Variants in GRIA4 observed in about 807,000 individuals in gnomAD.
GRIA4 encodes glutamate receptor 4.
A neutral mutation model predicts 104.0 loss-of-function variants in GRIA4; 34 were observed. That is an observed-to-expected ratio of 0.33 (90% confidence interval 0.25 to 0.44). GRIA4 has a LOEUF of 0.44. Among genes scored for constraint, GRIA4 ranks in the 20% least tolerant of loss-of-function variants. GRIA4 has a pLI of 1.00. For synonymous variants in GRIA4, 386 were observed against 381.9 expected (o/e 1.01, Z -0.13); for missense variants, 750 against 1,096.5 (o/e 0.68, Z 4.46).
intron 3 of GRIA4, among the ~76,000 whole-genome samples, chr11:105,617,184 GGATA>G (rs1950621946): frequency 6.7e-6 from 1 of 148,956 alleles, no homozygotes; most frequent in Admixed American, 6.7e-5. Flanking sequence ...TTAAAATGAA[GGATA>G]AATAATAATA....
At chr11:105,910,314 T>TTTTGTTTTGTTTGCTTACA (rs1314548352) in intron 9 of GRIA4, 121 bp from the exon 10 acceptor site, 21 of 612,382 alleles carry the variant, frequency 3.4e-5, no homozygotes, top group Admixed American at 5.8e-5. Context: ...TTCTGTTGGC[T>TTTTGTTTTGTTTGCTTACA]TTTGTTTTGT....
intron 14 of GRIA4, among the ~76,000 whole-genome samples, chr11:105,952,177 T>G (rs1273184645): frequency 6.6e-6 from 1 of 152,150 alleles, no homozygotes; most frequent in Non-Finnish European, 1.5e-5. Context: ...ATTTTTAAAA[T>G]AAATGTTATT....
At chr11:105,897,360 G>C (rs1177406200) in intron 6 of GRIA4, among the ~76,000 whole-genome samples, 2 of 152,080 alleles carry the variant, frequency 1.3e-5, no homozygotes, top group South Asian at 2.1e-4. Context: ...TTAGTAAACA[G>C]AGATAATTTG....
intron 7 of GRIA4, among the ~76,000 whole-genome samples, chr11:105,901,658 C>A (rs1946859153): frequency 6.6e-6 from 1 of 152,082 alleles, no homozygotes. Flanking sequence ...CTGTCAAATC[C>A]CAGGTCTTTG....
chr11:105,783,615 T>C (rs754186629), intron 4 of GRIA4, among the ~76,000 whole-genome samples: 13 of 152,172 alleles, frequency 8.5e-5, no homozygotes, highest in Non-Finnish European at 2.9e-5. Context: ...CTTCCTAACA[T>C]AGTTGACATT....
intron 3 of GRIA4, among the ~76,000 whole-genome samples, chr11:105,691,843 G>A (rs189554123): frequency 2.0e-5 from 3 of 149,828 alleles, no homozygotes; most frequent in Non-Finnish European, 4.4e-5. Context: ...GCTGAGGCAG[G>A]AGAGTTTCTT....
At chr11:105,661,940 A>G (rs1346861344) in intron 3 of GRIA4, among the ~76,000 whole-genome samples, 3 of 151,660 alleles carry the variant, frequency 2.0e-5, no homozygotes, top group Non-Finnish European at 4.4e-5. Flanking sequence ...TTTTCCACAC[A>G]ACCACTAATG....
rs557343656 is a variant in GRIA4, at chr11:105,638,405, C to T, written c.247+25971C>T. On this transcript the variant is annotated intron_variant, in intron 3 of 16. Transcript: ENST00000282499. ...CCCTGAACCTGCTGACAACTGGATT[C>T]TCTAGATCATATTGTTTTATTCCGT... 3.2e-4 allele frequency among the ~76,000 whole-genome samples: 48 copies of T among 152,274 alleles called. 1 individual carries two copies. The highest frequency in any genetic ancestry group is 2.9e-3 in the Admixed American group (44 of 15,276).
chr11:105,888,271 CTT>C (rs71469040), intron 6 of GRIA4, among the ~76,000 whole-genome samples: 73 of 54,542 alleles, frequency 1.3e-3, no homozygotes, highest in African/African-American at 5.4e-3. Context: ...ATGTTTTCTC[CTT>C]TTTTTTTTTT....
In GRIA4 at chr11:105,972,036, G is replaced by A. The variant is rs757619475; in HGVS notation, c.2409+8G>A. Reference sequence around the variant, plus strand: ...AAGGACTCTGGAAGCAAGGTCAGTCGCTGCAGTTCGGGGCCTCCTCTTGTG... The same window carrying A: ...AAGGACTCTGGAAGCAAGGTCAGTCACTGCAGTTCGGGGCCTCCTCTTGTG... On this transcript the variant is annotated splice_region_variant and intron_variant, in intron 15 of 16. Transcript: ENST00000282499. 14 of 1,556,652 alleles carry A rather than the reference G, an allele frequency of 9.0e-6. No individual in the cohort carries two copies. The highest frequency in any genetic ancestry group is 2.2e-5 in the East Asian group (1 of 44,528).
chr11:105,944,245 T>C (rs2136229514), intron 14 of GRIA4, among the ~76,000 whole-genome samples: 1 of 152,290 alleles, frequency 6.6e-6, no homozygotes, highest in East Asian at 1.9e-4. Flanking sequence ...CTCTGGAATA[T>C]ACTTTGACAA....
At chr11:105,916,195 A>C (rs1217252621) in intron 10 of GRIA4, among the ~76,000 whole-genome samples, 1 of 152,160 alleles carries the variant, frequency 6.6e-6, no homozygotes. Context: ...TCTCAAAAAC[A>C]AAAACAAAAC....
At chr11:105,631,462 C>G (rs899620366) in intron 3 of GRIA4, among the ~76,000 whole-genome samples, 1 of 152,130 alleles carries the variant, frequency 6.6e-6, no homozygotes, top group African/African-American at 2.4e-5. Flanking sequence ...CCTTTGGCAG[C>G]CCCAGATTAG....
At chr11:105,698,651 G>A (rs1333833030) in intron 3 of GRIA4, among the ~76,000 whole-genome samples, 1 of 152,182 alleles carries the variant, frequency 6.6e-6, no homozygotes, top group Non-Finnish European at 1.5e-5. Context: ...GAACACCAGA[G>A]AGAATGTGCA....
chr11:105,926,671 G>A, intron 12 of GRIA4, 70 bp from the exon 13 acceptor site: 1 of 909,498 alleles, frequency 1.1e-6, no homozygotes, highest in South Asian at 1.4e-5. Flanking sequence ...ATGGTGAATT[G>A]ACGGTATTTC....
At chr11:105,755,245 C>T (rs1940233978) in intron 4 of GRIA4, among the ~76,000 whole-genome samples, 1 of 151,748 alleles carries the variant, frequency 6.6e-6, no homozygotes, top group African/African-American at 2.4e-5. Flanking sequence ...CTTTAATCCT[C>T]TTGCAAAAAA....
intron 3 of GRIA4, among the ~76,000 whole-genome samples, chr11:105,722,876 A>G (rs1937926624): frequency 6.6e-6 from 1 of 152,142 alleles, no homozygotes; most frequent in Non-Finnish European, 1.5e-5. Flanking sequence ...TTTTACAGTG[A>G]AATAATATTA....
At chr11:105,958,378 T>A (rs982186403) in intron 14 of GRIA4, among the ~76,000 whole-genome samples, 2 of 152,164 alleles carry the variant, frequency 1.3e-5, no homozygotes, top group Non-Finnish European at 2.9e-5. Flanking sequence ...AATCATGTGG[T>A]TTTTGTCTTT....
chr11:105,754,613 A>T (rs925314542), intron 4 of GRIA4, among the ~76,000 whole-genome samples: 4 of 152,170 alleles, frequency 2.6e-5, no homozygotes, highest in African/African-American at 9.7e-5. Flanking sequence ...TCAATGGTTG[A>T]TATAGCTTTA....
Sources: allele counts gnomAD v4.1 joint callset (sites outside exome capture counted in the v4.1 genomes callset), GRCh38; gene constraint gnomAD v4.1.1; transcripts MANE v1.5; gene names NCBI Gene and HGNC (gene_info 2026-07-23, HGNC 2026-07-21).